The following APLF variants were observed in gnomAD, a reference collection of about 807,000 sequenced individuals.
The protein encoded by APLF is aprataxin and PNKP like factor.
A neutral mutation model predicts 55.6 loss-of-function variants in APLF; 61 were observed. The ratio of observed to expected loss-of-function variants is 1.10; its 90% CI spans 0.89 to 1.36. The LOEUF is 1.36. Among genes scored for constraint, APLF ranks in the 40% most tolerant of loss-of-function variants. APLF has a pLI of 0.00. For synonymous variants in APLF, 207 were observed against 214.8 expected, an observed-to-expected ratio of 0.96 and a Z score of 0.32; for missense variants, 611 against 602.5, an observed-to-expected ratio of 1.01 and a Z score of -0.15.
At chr2:68,572,332 ATGTT>A (rs1262283392) in intron 9 of APLF, among the ~76,000 whole-genome samples, 2 of 152,126 alleles carry the variant, frequency 1.3e-5, no homozygotes, top group Non-Finnish European at 2.9e-5. Flanking sequence ...GTTATTAAAA[ATGTT>A]TGTTCTTGTA....
intron 1 of APLF, among the ~76,000 whole-genome samples, chr2:68,487,435 G>T (rs148661985): frequency 1.3e-5 from 2 of 152,188 alleles, no homozygotes; most frequent in South Asian, 4.1e-4. Context: ...TAACTGAGTA[G>T]TTGCTTAAAC....
intron 1 of APLF, among the ~76,000 whole-genome samples, chr2:68,477,273 A>G (rs1159803455): frequency 1.3e-5 from 2 of 152,188 alleles, no homozygotes; most frequent in Admixed American, 6.5e-5. Context: ...TCTGCTTACG[A>G]CAACGTGTGA....
chr2:68,574,669 T>TA (rs1160319783), intron 9 of APLF, among the ~76,000 whole-genome samples: 7 of 152,204 alleles, frequency 4.6e-5, no homozygotes, highest in African/African-American at 1.7e-4. Flanking sequence ...TGATGACAGA[T>TA]ATAAACTTTT....
chr2:68,478,351 C>T (rs574993861), intron 1 of APLF, among the ~76,000 whole-genome samples: 11 of 152,188 alleles, frequency 7.2e-5, no homozygotes, highest in African/African-American at 2.6e-4. Flanking sequence ...GTGGGAAAAC[C>T]TTGTGCTTTT....
At chr2:68,509,454 G>A (rs2103945528) in intron 3 of APLF, among the ~76,000 whole-genome samples, 1 of 152,066 alleles carries the variant, frequency 6.6e-6, no homozygotes, top group Admixed American at 6.6e-5. Flanking sequence ...GCAGCCAACA[G>A]ACACATGAAA....
chr2:68,557,596 A>G (rs920427691), intron 8 of APLF, among the ~76,000 whole-genome samples: 3 of 152,210 alleles, frequency 2.0e-5, no homozygotes, highest in African/African-American at 7.2e-5. Flanking sequence ...ATGTGATGCT[A>G]TCAATCTATT....
In APLF at chr2:68,510,483, A is replaced by G. The variant is rs987290131; in HGVS notation, c.342-2597A>G. On this transcript the variant is annotated intron_variant, in intron 3 of 9. Transcript: ENST00000303795. ...CAAATTAACACCGCAATGAGATACC[A>G]CTTTACATCTACTAGGAAAGCTATA... Among the ~76,000 whole-genome samples the G allele has an allele frequency of 6.6e-5, 10 of 151,996 alleles. No homozygotes were observed. In the East Asian group the frequency reaches 1.9e-3, roughly 29 times the overall value.
chr2:68,488,320 A>G (rs1676248519), intron 1 of APLF, among the ~76,000 whole-genome samples: 1 of 147,710 alleles, frequency 6.8e-6, no homozygotes, highest in Non-Finnish European at 1.5e-5. Flanking sequence ...TGTGTTCTAC[A>G]TTTATTATCT....
intron 9 of APLF, 24 bp downstream of exon 9, chr2:68,567,411 T>C: frequency 6.4e-7 from 1 of 1,556,460 alleles, no homozygotes; most frequent in Non-Finnish European, 8.8e-7. Flanking sequence ...CTTCAGAAAA[T>C]TCAAAATGAA....
At chr2:68,511,729 G>A (rs1669376878) in intron 3 of APLF, among the ~76,000 whole-genome samples, 2 of 151,632 alleles carry the variant, frequency 1.3e-5, no homozygotes, top group Admixed American at 6.6e-5. Context: ...GTATTGTAGT[G>A]GAGTGAACTT....
chr2:68,467,804 A>C lies in APLF; in HGVS notation c.73A>C (p.Ile25Leu). The C allele has an allele frequency of 8.1e-7, 1 of 1,233,720 alleles. No homozygotes were observed. Among genetic ancestry groups the C allele is most frequent in the Non-Finnish European group, 1.0e-6 (1 of 988,132 alleles). The allele number at this position is 1,233,720 out of a possible 1,614,324, so 76.4% of individuals were successfully genotyped here. Residue 25 changes from isoleucine to leucine, a missense_variant, in exon 1 of 10, where the codon ATC becomes CTC. Coordinates refer to ENST00000303795, the MANE Select transcript of APLF (RefSeq NM_173545.3). ...GGCCCTGGCGCCCGGGGAGACGGTG[A>C]TCGGCCGCGGGCCGCTGCTGGGAGT... ...RVALAPGETV[I>L]GRGPLLGITD...
chr2:68,470,129 C>T (rs1675572264), intron 1 of APLF, among the ~76,000 whole-genome samples: 1 of 152,204 alleles, frequency 6.6e-6, no homozygotes, highest in East Asian at 1.9e-4. Context: ...TTTGATTCTG[C>T]TCCATGATTG....
At chr2:68,573,495 G>T (rs1240674396) in intron 9 of APLF, among the ~76,000 whole-genome samples, 5 of 151,800 alleles carry the variant, frequency 3.3e-5, no homozygotes, top group Non-Finnish European at 7.4e-5. Context: ...CAAAATGGTG[G>T]AACCCCATCT....
intron 8 of APLF, chr2:68,563,482 C>T: frequency 5.6e-6 from 3 of 539,034 alleles, no homozygotes; most frequent in Non-Finnish European, 7.1e-6. Flanking sequence ...GAATGAGGAA[C>T]TACCTTCTGA....
chr2:68,486,329 C>T lies in APLF; in HGVS notation c.97-3861C>T, dbSNP rs376960981. 3.3e-5 allele frequency among the ~76,000 whole-genome samples: 5 copies of T among 152,256 alleles called. No individual in the cohort carries two copies. The South Asian group carries it at 1.0e-3, about 32-fold the overall frequency. On this transcript the variant is annotated intron_variant, in intron 1 of 9. Transcript: ENST00000303795. ...TTTTTTTCTTCCAAGTGTCCTCCTT[C>T]TCCCTGAGAAGTGGTGCCTTTTCTG... is the stretch of plus-strand genomic sequence containing the variant.
At chr2:68,495,843 A>G (rs1676529516) in intron 2 of APLF, among the ~76,000 whole-genome samples, 2 of 152,176 alleles carry the variant, frequency 1.3e-5, no homozygotes, top group Non-Finnish European at 2.9e-5. Context: ...GTCAAGGCTT[A>G]TGGCTTGCAT....
rs552623157 is a variant in APLF at position 68,577,860 on chromosome 2, A to G, written c.1374A>G (p.Gln458=). The change falls in exon 10 of 10, where the codon CAA becomes CAG. Residue 458 remains glutamine, a synonymous_variant. Coordinates refer to ENST00000303795, the MANE Select transcript of APLF (RefSeq NM_173545.3). ...ATGAAGATAATGATAATGTTGGGCA[A>G]CCCAATGAGTATGACCTGAACGACA... is the stretch of plus-strand genomic sequence containing the variant. ...VLDEDNDNVG[Q]PNEYDLNDSF... The G allele has an allele frequency of 6.2e-7, 1 of 1,613,534 alleles. No homozygotes were observed. Among genetic ancestry groups the G allele is most frequent in the African/African-American group, 1.3e-5 (1 of 74,980 alleles).
In APLF at chr2:68,509,299, A is replaced by G. The variant is rs537856360; in HGVS notation, c.342-3781A>G. Among the ~76,000 whole-genome samples, 7 of 152,318 alleles carry G rather than the reference A, an allele frequency of 4.6e-5. No homozygotes were observed. In the East Asian group the frequency reaches 1.4e-3, roughly 29 times the overall value. ...GTGAACAGGCAACCTACAGAATGGGAGAAAATTTTTGCAATCTGCTCATCT... is the reference window on the plus strand; with the variant it reads ...GTGAACAGGCAACCTACAGAATGGGGGAAAATTTTTGCAATCTGCTCATCT... On this transcript the variant is annotated intron_variant, in intron 3 of 9. Transcript: ENST00000303795.
At chr2:68,513,314 T>G in intron 4 of APLF, 87 bp downstream of exon 4, 2 of 1,422,582 alleles carry the variant, frequency 1.4e-6, no homozygotes, top group Admixed American at 5.1e-5. Flanking sequence ...AGGCCTATTA[T>G]GACAATATTG....
Sources: allele counts gnomAD v4.1 joint callset (sites outside exome capture counted in the v4.1 genomes callset), GRCh38; gene constraint gnomAD v4.1.1; transcripts MANE v1.5; gene names NCBI Gene and HGNC (gene_info 2026-07-23, HGNC 2026-07-21).